The following NUP35 variants were observed in gnomAD, a reference collection of about 807,000 sequenced individuals.
NUP35 encodes nucleoporin NUP35.
Under a neutral mutation model 41.5 loss-of-function variants are expected in NUP35, and 25 were observed. The ratio of observed to expected loss-of-function variants is 0.60; its 90% CI spans 0.44 to 0.84. The LOEUF (loss-of-function observed/expected upper bound fraction) is 0.84, where lower values mean the gene tolerates loss of function less well. Among genes scored for constraint, NUP35 ranks in the 40% least tolerant of loss-of-function variants. NUP35 has a pLI of 0.00. For missense variants in NUP35, 396 were observed against 396.6 expected (o/e 1.00, Z 0.01); for synonymous variants, 149 against 130.7 (o/e 1.14, Z -0.96).
At chr2:183,133,106 G>A (rs1684751934) in intron 3 of NUP35, among the ~76,000 whole-genome samples, 1 of 152,158 alleles carries the variant, frequency 6.6e-6, no homozygotes, top group Non-Finnish European at 1.5e-5. Flanking sequence ...TCTACTGGTA[G>A]TGGTAGGGAT....
At chr2:183,150,422 A>G (rs181011065) in intron 4 of NUP35, among the ~76,000 whole-genome samples, 1 of 152,200 alleles carries the variant, frequency 6.6e-6, no homozygotes, top group East Asian at 1.9e-4. Flanking sequence ...TCTTGCGTTC[A>G]TCTAAGACCA....
Position 183,155,441 on chromosome 2 carries a change from G to C in NUP35, c.540-2003G>C, listed in dbSNP as rs1685622964. Among the ~76,000 whole-genome samples the C allele has an allele frequency of 2.6e-5, 4 of 152,158 alleles. No individual in the cohort carries two copies. In the South Asian group the frequency reaches 8.3e-4, roughly 32 times the overall value. ...TTTTATGTGTTATTGATTTCTATTT[G>C]GGTAAAAAGCGGGTCATTGCATTCC... On this transcript the variant is annotated intron_variant, in intron 5 of 8. Coordinates refer to ENST00000295119, the MANE Select transcript of NUP35 (RefSeq NM_138285.5).
chr2:183,132,654 T>A (rs552355329), intron 3 of NUP35, among the ~76,000 whole-genome samples: 1 of 152,366 alleles, frequency 6.6e-6, no homozygotes, highest in East Asian at 1.9e-4. Flanking sequence ...TCTCTGATGA[T>A]ACAGACAAAG....
intron 5 of NUP35, among the ~76,000 whole-genome samples, chr2:183,155,579 C>CTTTT (rs11393018): frequency 1.1e-4 from 15 of 139,788 alleles, no homozygotes; most frequent in Admixed American, 5.1e-4. Context: ...CATAAAATGG[C>CTTTT]TTTTTTTTTT....
chr2:183,131,130 A>C (rs1345925231), intron 3 of NUP35: 11 of 259,728 alleles, frequency 4.2e-5, no homozygotes. Context: ...ACGTGCTGCT[A>C]TGCCTGGCTA....
At chr2:183,134,782 AT>A (rs3030669) in intron 4 of NUP35, among the ~76,000 whole-genome samples, 1,955 of 138,484 alleles carry the variant, frequency 0.014, 19 homozygotes, top group African/African-American at 0.034. Context: ...CGCCTGGCTA[AT>A]TTTTTTTTTT....
intron 4 of NUP35, among the ~76,000 whole-genome samples, chr2:183,143,111 G>A (rs1035911238): frequency 7.4e-5 from 11 of 148,222 alleles, no homozygotes; most frequent in African/African-American, 2.5e-4. Flanking sequence ...AGCTGAGATC[G>A]AGCCACTGCA....
intron 1 of NUP35, among the ~76,000 whole-genome samples, chr2:183,126,496 T>A (rs991213327): frequency 6.6e-6 from 1 of 152,220 alleles, no homozygotes; most frequent in Admixed American, 6.5e-5. Context: ...TTGTTTAGAC[T>A]TTTGGTTTGA....
rs373753570 is a variant in NUP35 at position 183,149,137 on chromosome 2, C to T, written c.398-2371C>T. ...ATAGTTAGAATATGTTAAGTAGCCT[C>T]TAGAAAATCAATAAAAATGGAGCAT... On this transcript the variant is annotated intron_variant, in intron 4 of 8. Transcript: ENST00000295119. 1.4e-4 allele frequency among the ~76,000 whole-genome samples: 22 copies of T among 152,262 alleles called. No homozygotes were observed. The South Asian group carries it at 4.1e-3, about 29-fold the overall frequency.
intron 5 of NUP35, among the ~76,000 whole-genome samples, chr2:183,153,427 T>C (rs1174302881): frequency 1.3e-5 from 2 of 152,156 alleles, no homozygotes; most frequent in African/African-American, 4.8e-5. Flanking sequence ...AAGATAGTTA[T>C]TTCCTGGATA....
intron 5 of NUP35, among the ~76,000 whole-genome samples, chr2:183,156,376 T>C (rs968597633): frequency 1.7e-4 from 26 of 152,174 alleles, no homozygotes; most frequent in South Asian, 8.3e-4. Context: ...GGTCTTACTC[T>C]GTCACCCGGC....
At position 183,151,395 on chromosome 2, in the gene NUP35, GT is replaced by G. The variant is rs370238526; in HGVS notation, c.398-110del. The G allele has an allele frequency of 1.6e-3, 1,497 of 920,734 alleles. 21 individuals are homozygous for G. In the African/African-American group the frequency reaches 0.023, roughly 14 times the overall value. 57.0% of individuals were successfully genotyped at this position (920,734 alleles called of 1,614,324 possible). ...TGACCACAGTTGTATGTTTTGAACT[GT>G]TTATGTAATTGCCAACTTTATTAGA... is the stretch of plus-strand genomic sequence containing the variant. On this transcript the variant is annotated intron_variant, in intron 4 of 8. Transcript: ENST00000295119.
At chr2:183,151,739 TG>T (rs1398616518) in intron 5 of NUP35, 90 bp downstream of exon 5, 14 of 1,275,824 alleles carry the variant, frequency 1.1e-5, no homozygotes, top group Non-Finnish European at 1.4e-5. Flanking sequence ...TGGAAAGAAG[TG>T]CATAGCAAAC....
At chr2:183,157,333 T>TA in intron 5 of NUP35, 111 bp from the exon 6 acceptor site, 1 of 819,334 alleles carries the variant, frequency 1.2e-6, no homozygotes, top group African/African-American at 1.7e-5. Flanking sequence ...ACTCTCCTGT[T>TA]AACGTTCTAG....
rs1684665177 is a variant in NUP35, at chr2:183,130,626, A to T, written c.339+81A>T. 10 of 1,415,576 alleles carry T rather than the reference A, an allele frequency of 7.1e-6. No homozygotes were observed. The South Asian group carries it at 1.3e-4, about 18-fold the overall frequency. 87.7% of individuals were successfully genotyped at this position (1,415,576 alleles called of 1,614,324 possible). A position where few individuals can be genotyped will look rare whatever the true frequency, so the allele number is the denominator to read the frequency against. ...GTTCAGTGAGAGTCAATACTTTGAAATGTTTCCCTGAAGTCTGTTTTAATG... is the reference window on the plus strand; with the variant it reads ...GTTCAGTGAGAGTCAATACTTTGAATTGTTTCCCTGAAGTCTGTTTTAATG... On this transcript the variant is annotated intron_variant, in intron 3 of 8. Coordinates refer to ENST00000295119, the MANE Select transcript of NUP35 (RefSeq NM_138285.5).
At chr2:183,143,890 G>A (rs762098113) in intron 4 of NUP35, among the ~76,000 whole-genome samples, 6 of 151,996 alleles carry the variant, frequency 3.9e-5, no homozygotes, top group Non-Finnish European at 5.9e-5. Flanking sequence ...ATGCTTTTTC[G>A]GTATAATGTG....
intron 1 of NUP35, among the ~76,000 whole-genome samples, chr2:183,125,142 A>C (rs1684403396): frequency 6.6e-6 from 1 of 151,890 alleles, no homozygotes; most frequent in Non-Finnish European, 1.5e-5. Context: ...ACTCTTAAGT[A>C]TTGTAGGAGG....
At chr2:183,146,924 TTTGATTGGTGTGAAATGG>T (rs1333690552) in intron 4 of NUP35, among the ~76,000 whole-genome samples, 1 of 152,112 alleles carries the variant, frequency 6.6e-6, no homozygotes, top group African/African-American at 2.4e-5. Context: ...TAGTAGCCAT[TTTGATTGGTGTGAAATGG>T]AATCACATTG....
chr2:183,159,620 A>T lies in NUP35; in HGVS notation c.871A>T (p.Thr291Ser). The part of the protein sequence containing the change: ...PRISTMRPLA[T>S]AYKASTSDYQ... Reference sequence around the variant, plus strand: ...GATTTCTACCATGAGACCTCTTGCTACAGCATACAAAGCCTCTACTAGTGA... The same window carrying T: ...GATTTCTACCATGAGACCTCTTGCTTCAGCATACAAAGCCTCTACTAGTGA... Residue 291 changes from threonine to serine, a missense_variant, in exon 8 of 9, where the codon ACA (threonine) becomes TCA (serine). Physicochemically the swap from Thr to Ser is moderately conservative, Grantham distance 58. Transcript: ENST00000295119. 1.2e-6 allele frequency: 2 copies of T among 1,613,352 alleles called. No individual in the cohort carries two copies. The highest frequency in any genetic ancestry group is 3.3e-5 in the Admixed American group (2 of 59,980).
Sources: gnomAD v4.1 joint callset for allele counts (sites outside exome capture counted in the v4.1 genomes callset) on GRCh38, gnomAD v4.1.1 for gene constraint, MANE v1.5 for transcripts, NCBI Gene and HGNC (gene_info 2026-07-23, HGNC 2026-07-21) for gene names.